The following PCDH9 variants were observed in gnomAD, a reference collection of about 807,000 sequenced individuals.
The protein encoded by PCDH9 is protocadherin-9.
A neutral mutation model predicts 70.6 loss-of-function variants in PCDH9; 24 were observed. The observed-to-expected ratio is 0.34, with a 90% CI of 0.25 to 0.48. The LOEUF is 0.48. Among genes scored for constraint, PCDH9 ranks in the 20% least tolerant of loss-of-function variants. The pLI is 0.99. For synonymous variants in PCDH9, 562 were observed against 558.5 expected (o/e 1.01, Z -0.09); for missense variants, 1,281 against 1,503.6 (o/e 0.85, Z 2.45).
chr13:66,436,344 A>G (rs1037869502), intron 4 of PCDH9, among the ~76,000 whole-genome samples: 7 of 152,148 alleles, frequency 4.6e-5, no homozygotes, highest in Non-Finnish European at 7.3e-5. Flanking sequence ...ACCTCTCCAG[A>G]TGATGGTGCC....
intron 4 of PCDH9, among the ~76,000 whole-genome samples, chr13:66,481,995 AAC>A (rs1291153424): frequency 6.6e-6 from 1 of 152,018 alleles, no homozygotes; most frequent in Non-Finnish European, 1.5e-5. Flanking sequence ...TGAAAAATAA[AAC>A]ACAAATTCTA....
intron 4 of PCDH9, among the ~76,000 whole-genome samples, chr13:66,616,315 A>C (rs2077354993): frequency 6.6e-6 from 1 of 152,092 alleles, no homozygotes; most frequent in Admixed American, 6.6e-5. Flanking sequence ...ATGTAGAAAC[A>C]ATTATTCTTA....
chr13:66,732,085 G>A (rs933776153), intron 3 of PCDH9, among the ~76,000 whole-genome samples: 1 of 151,438 alleles, frequency 6.6e-6, no homozygotes, highest in Admixed American at 6.6e-5. Context: ...TCAATATTTG[G>A]TTTTATTATT....
At chr13:66,827,548 A>C (rs1200027395) in intron 3 of PCDH9, among the ~76,000 whole-genome samples, 1 of 152,030 alleles carries the variant, frequency 6.6e-6, no homozygotes, top group African/African-American at 2.4e-5. Context: ...GAAGTGAGGG[A>C]AAGTTTCAGG....
intron 4 of PCDH9, among the ~76,000 whole-genome samples, chr13:66,552,078 C>T (rs1046528089): frequency 6.6e-6 from 1 of 152,088 alleles, no homozygotes; most frequent in Non-Finnish European, 1.5e-5. Context: ...AAAGATGAGG[C>T]GACTGATGCC....
At chr13:66,855,435 C>A (rs941202600) in intron 3 of PCDH9, among the ~76,000 whole-genome samples, 1 of 151,972 alleles carries the variant, frequency 6.6e-6, no homozygotes, top group Non-Finnish European at 1.5e-5. Flanking sequence ...ACAAATCTCC[C>A]AATCTGCTGT....
At chr13:66,635,049 A>G (rs1221315795) in intron 3 of PCDH9, among the ~76,000 whole-genome samples, 12 of 152,164 alleles carry the variant, frequency 7.9e-5, no homozygotes, top group Admixed American at 7.9e-4. Context: ...ACTGCCTCCA[A>G]AAATTTTGCA....
At chr13:66,453,932 C>T (rs1416822832) in intron 4 of PCDH9, among the ~76,000 whole-genome samples, 2 of 152,024 alleles carry the variant, frequency 1.3e-5, no homozygotes, top group East Asian at 3.9e-4. Flanking sequence ...AACATAAACA[C>T]ATAGAAGAAA....
chr13:66,358,121 G>A (rs939586346), intron 4 of PCDH9, among the ~76,000 whole-genome samples: 3 of 151,716 alleles, frequency 2.0e-5, no homozygotes, highest in Non-Finnish European at 4.4e-5. Context: ...ATTCAGGGTA[G>A]GTTTATAATT....
At position 66,957,326 on chromosome 13, in the gene PCDH9, A is replaced by G. The variant is rs542516546; in HGVS notation, c.3037-53721T>C. 5.3e-5 allele frequency among the ~76,000 whole-genome samples: 8 copies of G among 152,330 alleles called. No individual in the cohort carries two copies. In the East Asian group the frequency reaches 1.5e-3, roughly 29 times the overall value. ...CACTTACTTTTGTCCAGCTTACAAA[A>G]TAGCCTTCTAACAGAGTACTACCCC... On this transcript the variant is annotated intron_variant, in intron 2 of 4. Transcript: ENST00000377865.
At chr13:67,007,507 G>T (rs1351358690) in intron 2 of PCDH9, among the ~76,000 whole-genome samples, 1 of 152,034 alleles carries the variant, frequency 6.6e-6, no homozygotes, top group African/African-American at 2.4e-5. Context: ...GTATTCAGTT[G>T]GCTTTAAAAT....
At chr13:66,730,881 T>TTG in intron 3 of PCDH9, among the ~76,000 whole-genome samples, 1 of 15,770 alleles carries the variant, frequency 6.3e-5, no homozygotes, top group South Asian at 0.012. Flanking sequence ...TGTGTGTTTT[T>TTG]TTTTTGTTTG....
chr13:66,577,177 C>A (rs1361501929), intron 4 of PCDH9, among the ~76,000 whole-genome samples: 2 of 151,752 alleles, frequency 1.3e-5, no homozygotes, highest in Non-Finnish European at 2.9e-5. Flanking sequence ...AGTCTACTAA[C>A]AAATAAATAT....
At chr13:66,745,743 G>T (rs2079352120) in intron 3 of PCDH9, among the ~76,000 whole-genome samples, 1 of 152,008 alleles carries the variant, frequency 6.6e-6, no homozygotes, top group Non-Finnish European at 1.5e-5. Flanking sequence ...TGGAGAATTT[G>T]TATATTTTTT....
intron 4 of PCDH9, among the ~76,000 whole-genome samples, chr13:66,576,966 T>C (rs1408599488): frequency 2.0e-5 from 3 of 152,064 alleles, no homozygotes; most frequent in African/African-American, 4.8e-5. Flanking sequence ...ACTATATATG[T>C]CTGTGTGTAT....
At chr13:66,906,232 G>C (rs1003264946) in intron 2 of PCDH9, among the ~76,000 whole-genome samples, 1 of 152,140 alleles carries the variant, frequency 6.6e-6, no homozygotes, top group African/African-American at 2.4e-5. Context: ...GGACTGATGA[G>C]GGAATCATGG....
chr13:66,681,201 C>T (rs924467291), intron 3 of PCDH9, among the ~76,000 whole-genome samples: 1 of 152,088 alleles, frequency 6.6e-6, no homozygotes, highest in African/African-American at 2.4e-5. Context: ...ATGAAATAAA[C>T]CATTGCATTA....
intron 4 of PCDH9, among the ~76,000 whole-genome samples, chr13:66,310,925 G>A (rs948600307): frequency 5.9e-5 from 9 of 151,880 alleles, no homozygotes; most frequent in African/African-American, 1.5e-4. Context: ...TATGCAAAAC[G>A]TTTGTTCCTA....
chr13:66,662,037 G>T (rs1446936048), intron 3 of PCDH9, among the ~76,000 whole-genome samples: 1 of 113,448 alleles, frequency 8.8e-6, no homozygotes, highest in Non-Finnish European at 1.9e-5. Flanking sequence ...TATCCTTTGT[G>T]AGTATGTGTG....
Sources: allele counts gnomAD v4.1 joint callset (sites outside exome capture counted in the v4.1 genomes callset), GRCh38; gene constraint gnomAD v4.1.1; transcripts MANE v1.5; gene names NCBI Gene and HGNC (gene_info 2026-07-23, HGNC 2026-07-21).